GABRR2: variants seen among roughly 807,000 people sequenced by gnomAD.
GABRR2 encodes the protein gamma-aminobutyric acid type A receptor subunit rho2.
Under a neutral mutation model 47.0 loss-of-function variants are expected in GABRR2, and 36 were observed. That is an observed-to-expected ratio of 0.77 (90% confidence interval 0.59 to 1.01). The LOEUF (loss-of-function observed/expected upper bound fraction) is 1.01, where lower values mean the gene tolerates loss of function less well. Among genes scored for constraint, GABRR2 ranks in the 50% least tolerant of loss-of-function variants. The pLI, the probability that GABRR2 is intolerant of heterozygous loss-of-function variation, is 0.00. For missense variants in GABRR2, 587 were observed against 594.6 expected (o/e 0.99, Z 0.13); for synonymous variants, 204 against 227.5 (o/e 0.90, Z 0.93).
Position 89,256,610 on chromosome 6 carries a change from T to C in GABRR2, c.*1060A>G, listed in dbSNP as rs1227707788. On this transcript the variant is annotated 3_prime_UTR_variant, in exon 9 of 9. Coordinates refer to ENST00000402938, the MANE Select transcript of GABRR2 (RefSeq NM_002043.5). ...GGGCCTTGGGCCACACCAGATAGTCTATGCCAACAATGTGATTTATGATAG... is the reference window on the plus strand; with the variant it reads ...GGGCCTTGGGCCACACCAGATAGTCCATGCCAACAATGTGATTTATGATAG... Among the ~76,000 whole-genome samples the C allele has an allele frequency of 1.3e-5, 2 of 152,164 alleles. No homozygotes were observed. Among genetic ancestry groups the C allele is most frequent in the Non-Finnish European group, 2.9e-5 (2 of 68,022 alleles).
chr6:89,280,790 T>G (rs1332624351), intron 2 of GABRR2, among the ~76,000 whole-genome samples: 3 of 152,222 alleles, frequency 2.0e-5, no homozygotes, highest in African/African-American at 2.4e-5. Context: ...CCAGTTATTA[T>G]GGAGATTTTT....
chr6:89,297,932 A>G (rs1012582650), intron 2 of GABRR2, among the ~76,000 whole-genome samples: 10 of 152,212 alleles, frequency 6.6e-5, no homozygotes, highest in Admixed American at 4.6e-4. Context: ...TATGCTCTTA[A>G]CTGTTGCTGT....
At chr6:89,303,591 T>G (rs1767499772) in intron 1 of GABRR2, among the ~76,000 whole-genome samples, 1 of 142,932 alleles carries the variant, frequency 7.0e-6, no homozygotes, top group African/African-American at 2.6e-5. Context: ...AAAACTATTT[T>G]AAAATTCATC....
At chr6:89,314,934 C>A in intron 1 of GABRR2, 119 bp downstream of exon 1, 2 of 831,294 alleles carry the variant, frequency 2.4e-6, no homozygotes, top group Non-Finnish European at 1.9e-6. Context: ...TAGCTGGGTT[C>A]TCATTCTCAT....
chr6:89,257,317 C>T lies in GABRR2; in HGVS notation c.*353G>A. 1 of 218,708 alleles carries T rather than the reference C, an allele frequency of 4.6e-6. No homozygotes were observed. The allele number at this position is 218,708 out of a possible 1,614,324, so 13.5% of individuals were successfully genotyped here. On this transcript the variant is annotated 3_prime_UTR_variant, in exon 9 of 9. Transcript: ENST00000402938. The stretch of plus-strand genomic sequence containing the variant: ...GCTTGTACTTCAGTTTTTCCTTTTC[C>T]CTCCACAACTGACTCCTAGGCAATC...
chr6:89,294,674 G>A (rs372110793), intron 2 of GABRR2, among the ~76,000 whole-genome samples: 1 of 151,634 alleles, frequency 6.6e-6, no homozygotes, highest in Non-Finnish European at 1.5e-5. Flanking sequence ...AAGTTCTAGG[G>A]TACATGTGTA....
chr6:89,259,138 G>T (rs563533279), intron 8 of GABRR2, among the ~76,000 whole-genome samples: 1 of 151,998 alleles, frequency 6.6e-6, no homozygotes, highest in Non-Finnish European at 1.5e-5. Context: ...CTGGTGCCTG[G>T]ATGCTTGGTG....
chr6:89,263,698 T>C (rs1276430162), intron 8 of GABRR2, among the ~76,000 whole-genome samples: 1 of 152,116 alleles, frequency 6.6e-6, no homozygotes, highest in African/African-American at 2.4e-5. Flanking sequence ...AATTTTTGTA[T>C]TTTTAGTAGA....
At chr6:89,302,485 A>G (rs1767472760) in intron 1 of GABRR2, 1 of 662,594 alleles carries the variant, frequency 1.5e-6, no homozygotes, top group African/African-American at 1.8e-5. Flanking sequence ...CAGGATCACT[A>G]CCTCCTTGTG....
intron 2 of GABRR2, among the ~76,000 whole-genome samples, chr6:89,284,650 T>G (rs1774304141): frequency 6.6e-6 from 1 of 152,122 alleles, no homozygotes; most frequent in Non-Finnish European, 1.5e-5. Context: ...ACCCAGGAAG[T>G]GCAAGAGAAT....
chr6:89,267,710 T>C lies in GABRR2; in HGVS notation c.705A>G (p.Thr235=). ...LSQFLIQKFH[T]TSRLAFYSST... The stretch of plus-strand genomic sequence containing the variant: ...TGCTGTAGAAGGCCAGCCTGGAAGT[T>C]GTGTGAAATTTCTGAATCAGAAACT... The change falls in exon 6 of 9, where the codon ACA becomes ACG. Residue 235 remains threonine, a synonymous_variant. Transcript: ENST00000402938. 6.2e-7 allele frequency: 1 copy of C among 1,613,864 alleles called. No homozygotes were observed. Among genetic ancestry groups the C allele is most frequent in the Non-Finnish European group, 8.5e-7 (1 of 1,179,836 alleles).
At chr6:89,301,824 C>A (rs1196795571) in intron 1 of GABRR2, 7 of 1,001,706 alleles carry the variant, frequency 7.0e-6, no homozygotes, top group Non-Finnish European at 9.5e-6. Context: ...AGTGCGGCAA[C>A]TAGATCGGGG....
intron 2 of GABRR2, among the ~76,000 whole-genome samples, chr6:89,295,325 T>C (rs2127845727): frequency 6.6e-6 from 1 of 152,350 alleles, no homozygotes; most frequent in South Asian, 2.1e-4. Flanking sequence ...TTTTTAATGA[T>C]GGCCATTCTA....
chr6:89,304,706 C>G (rs893056868), intron 1 of GABRR2, among the ~76,000 whole-genome samples: 2 of 151,994 alleles, frequency 1.3e-5, no homozygotes, highest in African/African-American at 4.8e-5. Context: ...TAACACTGAT[C>G]ATTAGAGAAA....
chr6:89,294,583 C>G (rs1479224545), intron 2 of GABRR2, among the ~76,000 whole-genome samples: 1 of 151,446 alleles, frequency 6.6e-6, no homozygotes, highest in South Asian at 2.1e-4. Flanking sequence ...GTATGGTGGG[C>G]GCTACTGGAA....
intron 2 of GABRR2, among the ~76,000 whole-genome samples, chr6:89,281,192 G>A (rs778131642): frequency 1.3e-5 from 2 of 152,148 alleles, no homozygotes; most frequent in African/African-American, 2.4e-5. Context: ...ACTGCAATTC[G>A]CAATATGGAG....
At position 89,265,803 on chromosome 6, in the gene GABRR2, G is replaced by A. The variant is rs1249328846; in HGVS notation, c.737-38C>T. The A allele has an allele frequency of 8.1e-6, 13 of 1,604,698 alleles. No homozygotes were observed. In the South Asian group the frequency reaches 1.2e-4, roughly 15 times the overall value. On this transcript the variant is annotated intron_variant, in intron 6 of 8. Coordinates refer to ENST00000402938, the MANE Select transcript of GABRR2 (RefSeq NM_002043.5). ...GGAAGAAGCCAATGAGGTTCCATCT[G>A]AGAGGTGAAAGCAAACTGTGTCCCT...
chr6:89,270,307 T>C (rs1278740534), intron 3 of GABRR2: 1 of 152,244 alleles, frequency 6.6e-6, no homozygotes, highest in Non-Finnish European at 1.5e-5. Context: ...CTACCTTGGA[T>C]GTTACCTACC....
intron 2 of GABRR2, among the ~76,000 whole-genome samples, chr6:89,285,592 C>A (rs1052242611): frequency 8.5e-5 from 13 of 152,102 alleles, no homozygotes; most frequent in African/African-American, 3.1e-4. Flanking sequence ...CTCCCCAGGC[C>A]TGATGAATCA....
Sources: gnomAD v4.1 joint callset for allele counts (sites outside exome capture counted in the v4.1 genomes callset) on GRCh38, gnomAD v4.1.1 for gene constraint, MANE v1.5 for transcripts, NCBI Gene and HGNC (gene_info 2026-07-23, HGNC 2026-07-21) for gene names.